FARP1: variants seen among roughly 807,000 people sequenced by gnomAD.
FARP1 encodes FERM, ARHGEF and pleckstrin domain-containing protein 1.
A neutral mutation model predicts 128.8 loss-of-function variants in FARP1; 52 were observed. The ratio of observed to expected loss-of-function variants is 0.40; its 90% CI spans 0.32 to 0.51. The LOEUF is 0.51. Among genes scored for constraint, FARP1 ranks in the 20% least tolerant of loss-of-function variants. The pLI, the probability that FARP1 is intolerant of heterozygous loss-of-function variation, is 0.45. For missense variants in FARP1, 1,333 were observed against 1,367.9 expected (o/e 0.97, Z 0.40); for synonymous variants, 580 against 551.8 (o/e 1.05, Z -0.72).
Position 98,379,085 on chromosome 13 carries a change from CTATATATAATA to C in FARP1, c.496+1183_496+1193del, listed in dbSNP as rs1204846805. 7.7e-5 allele frequency among the ~76,000 whole-genome samples: 4 copies of C among 51,754 alleles called. 1 individual carries two copies. The highest frequency in any genetic ancestry group is 5.1e-4 in the East Asian group (1 of 1,968). The allele number at this position is 51,754 out of a possible 152,430, so 34.0% of individuals were successfully genotyped here. On this transcript the variant is annotated intron_variant, in intron 6 of 26. Transcript: ENST00000319562. ...ATATATAATATATGTAATATGTAAT[CTATATATAATA>C]TATATATAATATATAATCTATATAT...
At chr13:98,336,286 C>G (rs1887739445) in intron 2 of FARP1, among the ~76,000 whole-genome samples, 1 of 152,182 alleles carries the variant, frequency 6.6e-6, no homozygotes, top group Admixed American at 6.5e-5. Context: ...GAGTCTTACT[C>G]TGTCGCCCGG....
At chr13:98,145,690 C>T (rs1875483112) in intron 1 of FARP1, among the ~76,000 whole-genome samples, 2 of 152,210 alleles carry the variant, frequency 1.3e-5, no homozygotes, top group African/African-American at 2.4e-5. Flanking sequence ...TGGTGAAACC[C>T]TGTCTCTACT....
Position 98,378,966 on chromosome 13 carries a change from CAATATATAATCTATATATAATA to C in FARP1, c.496+1049_496+1070del, listed in dbSNP as rs1566934467. Among the ~76,000 whole-genome samples, 23 of 61,524 alleles carry C rather than the reference CAATATATAATCTATATATAATA, an allele frequency of 3.7e-4. 6 individuals carry two copies. Among genetic ancestry groups the C allele is most frequent in the African/African-American group, 1.7e-3 (22 of 12,882 alleles). 40.4% of individuals were successfully genotyped at this position (61,524 alleles called of 152,430 possible). A position where few individuals can be genotyped will look rare whatever the true frequency, so the allele number is the denominator to read the frequency against. On this transcript the variant is annotated intron_variant, in intron 6 of 26. Coordinates refer to ENST00000319562, the MANE Select transcript of FARP1 (RefSeq NM_005766.4). ...ATATATAATATATATATAATATATA[CAATATATAATCTATATATAATA>C]TATATATAATATATACAATATATAA... is the stretch of plus-strand genomic sequence containing the variant.
chr13:98,357,860 A>G (rs536616939), intron 3 of FARP1, among the ~76,000 whole-genome samples: 60 of 152,192 alleles, frequency 3.9e-4, no homozygotes, highest in Non-Finnish European at 6.3e-4. Flanking sequence ...TTTGGAAGCG[A>G]TTTGATCCTT....
intron 1 of FARP1, among the ~76,000 whole-genome samples, chr13:98,158,673 A>G (rs868569441): frequency 6.6e-6 from 1 of 152,246 alleles, no homozygotes; most frequent in South Asian, 2.1e-4. Flanking sequence ...GGTCAGGCTC[A>G]GAGCCTTTGG....
intron 1 of FARP1, among the ~76,000 whole-genome samples, chr13:98,153,558 T>TATTA (rs1555322412): frequency 3.4e-5 from 4 of 116,444 alleles, no homozygotes; most frequent in Non-Finnish European, 6.9e-5. Context: ...AAATATATAT[T>TATTA]TATATATATT....
rs1462442293 is a variant in FARP1, at chr13:98,431,265, T to C, written c.2128T>C (p.Phe710Leu). 11 of 1,589,900 alleles carry C rather than the reference T, an allele frequency of 6.9e-6. No individual in the cohort carries two copies. Among genetic ancestry groups the C allele is most frequent in the Non-Finnish European group, 9.4e-6 (11 of 1,168,968 alleles). Reference sequence around the variant, plus strand: ...ACACCACCCGCCGAGCCACGCCGACTTCAGGGACTGCCGAGGTGAGTGCTG... The same window carrying C: ...ACACCACCCGCCGAGCCACGCCGACCTCAGGGACTGCCGAGGTGAGTGCTG... The part of the protein sequence containing the change: ...CKHHPPSHAD[F>L]RDCRAALAEI... The change falls in exon 18 of 27, where the codon TTC (phenylalanine) becomes CTC (leucine). Residue 710 changes from phenylalanine (F) to leucine (L), a missense_variant. Around this residue, in one of 2 missense-constraint regions of FARP1, gnomAD observed 1,009 missense variants for 969.8 expected, o/e 1.04. Transcript: ENST00000319562.
chr13:98,248,495 A>C (rs554607895), intron 2 of FARP1, among the ~76,000 whole-genome samples: 67 of 152,320 alleles, frequency 4.4e-4, no homozygotes, highest in Non-Finnish European at 8.5e-4. Context: ...AATCATGAGA[A>C]GCTTCAGAAA....
intron 2 of FARP1, among the ~76,000 whole-genome samples, chr13:98,242,557 T>C (rs1377938507): frequency 2.0e-5 from 3 of 152,132 alleles, no homozygotes; most frequent in African/African-American, 7.2e-5. Context: ...TGTGTGCCTA[T>C]AGTCCCAGCT....
At chr13:98,412,922 A>C (rs1211035276) in intron 16 of FARP1, among the ~76,000 whole-genome samples, 1 of 152,234 alleles carries the variant, frequency 6.6e-6, no homozygotes, top group Non-Finnish European at 1.5e-5. Flanking sequence ...TATGGGCTGT[A>C]TCCTCACTAC....
chr13:98,329,255 A>C (rs367716929), intron 2 of FARP1: 1 of 152,034 alleles, frequency 6.6e-6, no homozygotes, highest in African/African-American at 2.4e-5. Flanking sequence ...GTCATCTTCT[A>C]TTTTCTCTGT....
chr13:98,438,260 G>A (rs1162698978), intron 19 of FARP1, among the ~76,000 whole-genome samples: 1 of 152,144 alleles, frequency 6.6e-6, no homozygotes, highest in Non-Finnish European at 1.5e-5. Flanking sequence ...TTGAGAAGCA[G>A]GGTTTTCAAT....
chr13:98,373,533 G>GCCAGACACACACACACACACACACAC (rs1555341450), intron 5 of FARP1, among the ~76,000 whole-genome samples: 11 of 131,068 alleles, frequency 8.4e-5, no homozygotes, highest in African/African-American at 3.2e-4. Flanking sequence ...CAGACAGACA[G>GCCAGACACACACACACACACACACAC]ACACACACAC....
intron 2 of FARP1, among the ~76,000 whole-genome samples, chr13:98,226,641 T>G: frequency 6.6e-6 from 1 of 152,198 alleles, no homozygotes; most frequent in South Asian, 2.1e-4. Flanking sequence ...CTTGTTCTTT[T>G]GGAGCATAAT....
At chr13:98,361,035 T>G (rs1888849858) in intron 3 of FARP1, among the ~76,000 whole-genome samples, 1 of 152,218 alleles carries the variant, frequency 6.6e-6, no homozygotes, top group African/African-American at 2.4e-5. Context: ...CTAGTCCAGC[T>G]CCGCTCGCCT....
intron 2 of FARP1, among the ~76,000 whole-genome samples, chr13:98,274,774 G>T (rs1884556048): frequency 6.6e-6 from 1 of 152,124 alleles, no homozygotes; most frequent in African/African-American, 2.4e-5. Context: ...TCCCAAGTTG[G>T]TGACCATCAA....
intron 2 of FARP1, among the ~76,000 whole-genome samples, chr13:98,296,516 C>CA (rs998479454): frequency 6.6e-6 from 1 of 150,850 alleles, no homozygotes; most frequent in African/African-American, 2.5e-5. Context: ...AGACAGGGAC[C>CA]CCCCGCTCTT....
chr13:98,436,569 C>T (rs2139090345), intron 19 of FARP1, among the ~76,000 whole-genome samples: 1 of 152,332 alleles, frequency 6.6e-6, no homozygotes, highest in Admixed American at 6.5e-5. Flanking sequence ...CAAGCAGCTG[C>T]CCTGGAAACT....
chr13:98,380,139 G>T (rs1302829468), intron 6 of FARP1, among the ~76,000 whole-genome samples: 3 of 151,906 alleles, frequency 2.0e-5, no homozygotes, highest in Non-Finnish European at 4.4e-5. Context: ...TTCTTTAAAG[G>T]TCTGTTACAC....
Sources: allele counts gnomAD v4.1 joint callset (sites outside exome capture counted in the v4.1 genomes callset), GRCh38; gene constraint gnomAD v4.1.1; regional missense constraint gnomAD v4.1.1; transcripts MANE v1.5; gene names NCBI Gene and HGNC (gene_info 2026-07-23, HGNC 2026-07-21).